PCDH15: variants seen among roughly 807,000 people sequenced by gnomAD.
PCDH15 encodes protocadherin related 15, also known as protocadherin-15.
A neutral mutation model predicts 178.5 loss-of-function variants in PCDH15; 129 were observed. That is an observed-to-expected ratio of 0.72 (90% CI 0.63 to 0.84). PCDH15 has a LOEUF of 0.84. PCDH15 is among the 40% of genes least tolerant of loss of function. PCDH15 has a pLI of 0.00. For synonymous variants in PCDH15, 800 were observed against 732.0 expected (o/e 1.09, Z -1.50); for missense variants, 2,230 against 2,099.9 (o/e 1.06, Z -1.21).
At chr10:55,611,830 A>T (rs183977770) in intron 2 of PCDH15, among the ~76,000 whole-genome samples, 5 of 152,252 alleles carry the variant, frequency 3.3e-5, no homozygotes, top group African/African-American at 1.2e-4. Flanking sequence ...ATGGAATACT[A>T]TTCAGCTTTT....
intron 15 of PCDH15, among the ~76,000 whole-genome samples, chr10:54,110,542 C>G (rs2095000451): frequency 6.6e-6 from 1 of 152,150 alleles, no homozygotes; most frequent in African/African-American, 2.4e-5. Context: ...ATTAGGACAA[C>G]TGTAGCAGCA....
intron 5 of PCDH15, among the ~76,000 whole-genome samples, chr10:54,353,791 A>T (rs1395225315): frequency 1.3e-5 from 2 of 152,130 alleles, no homozygotes; most frequent in Non-Finnish European, 2.9e-5. Context: ...TTTTTATCAC[A>T]AAGACTAGAT....
At position 53,931,294 on chromosome 10, in the gene PCDH15, C is replaced by T. The variant is rs2085039727; in HGVS notation, c.3373+7521G>A. 2.0e-5 allele frequency among the ~76,000 whole-genome samples: 3 copies of T among 152,160 alleles called. No individual in the cohort carries two copies. The South Asian group carries it at 6.2e-4, about 32-fold the overall frequency. Reference sequence around the variant, plus strand: ...GGTGGTGAGGTGGGAGTGGGCAGAACTGGAGCTTAGTTAGCAGTCAGCCAT... The same window carrying T: ...GGTGGTGAGGTGGGAGTGGGCAGAATTGGAGCTTAGTTAGCAGTCAGCCAT... On this transcript the variant is annotated intron_variant, in intron 25 of 37. Transcript: ENST00000644397.
chr10:54,067,870 G>A (rs1046946641), intron 17 of PCDH15, among the ~76,000 whole-genome samples: 1 of 152,214 alleles, frequency 6.6e-6, no homozygotes, highest in African/African-American at 2.4e-5. Flanking sequence ...GATTTGTAGT[G>A]AGAGGCTAAA....
chr10:54,228,144 G>C (rs1162809998), intron 9 of PCDH15, among the ~76,000 whole-genome samples: 1 of 152,006 alleles, frequency 6.6e-6, no homozygotes. Context: ...CCAATTTACT[G>C]TATTAGTTCA....
At chr10:54,650,756 T>C (rs370371603) in intron 2 of PCDH15, among the ~76,000 whole-genome samples, 5 of 152,034 alleles carry the variant, frequency 3.3e-5, no homozygotes, top group African/African-American at 1.2e-4. Context: ...AAAAGGGGTT[T>C]CCCCTTACAA....
chr10:55,127,036 A>C (rs1361150202), intron 2 of PCDH15, among the ~76,000 whole-genome samples: 2 of 152,024 alleles, frequency 1.3e-5, no homozygotes, highest in African/African-American at 2.4e-5. Flanking sequence ...AGTAGAACAT[A>C]CTTCAAATAT....
rs368139375 is a variant in PCDH15 at position 55,314,983 on chromosome 10, C to T, written c.-156+4616G>A. ...AAATACCTGGTGATTCATAATGATA[C>T]GTGTTTGTAATATTTATACATCTGT... On this transcript the variant is annotated intron_variant, in intron 1 of 5. Transcript: ENST00000458638. Among the ~76,000 whole-genome samples the T allele has an allele frequency of 3.6e-4, 55 of 152,102 alleles. No homozygotes were observed. In the East Asian group the frequency reaches 8.1e-3, roughly 22 times the overall value.
intron 15 of PCDH15, among the ~76,000 whole-genome samples, chr10:54,117,625 A>G (rs1295167776): frequency 2.0e-5 from 3 of 152,104 alleles, no homozygotes; most frequent in African/African-American, 7.2e-5. Flanking sequence ...CAAGGCAGAG[A>G]GGAGTTTCAC....
chr10:54,107,568 A>T lies in PCDH15; in HGVS notation c.1918-17505T>A, dbSNP rs140606298. 1.9e-3 allele frequency among the ~76,000 whole-genome samples: 294 copies of T among 152,258 alleles called. 3 individuals are homozygous for T. Among genetic ancestry groups the T allele is most frequent in the African/African-American group, 6.9e-3 (285 of 41,544 alleles). ...AAATGTGGCCATGTTTGGAAGATGA[A>T]ATGTTTTGGGGAGCCAAATGGACTG... On this transcript the variant is annotated intron_variant, in intron 15 of 37. Transcript: ENST00000644397.
At chr10:54,386,983 A>T (rs2135233804) in intron 3 of PCDH15, among the ~76,000 whole-genome samples, 1 of 152,262 alleles carries the variant, frequency 6.6e-6, no homozygotes, top group East Asian at 1.9e-4. Flanking sequence ...AAAATTGCTA[A>T]GAGAGTAGAT....
intron 2 of PCDH15, among the ~76,000 whole-genome samples, chr10:54,607,531 T>C (rs2092795455): frequency 6.6e-6 from 1 of 152,068 alleles, no homozygotes; most frequent in African/African-American, 2.4e-5. Flanking sequence ...TCCTGGCATA[T>C]GTTTATGTTT....
intron 5 of PCDH15, among the ~76,000 whole-genome samples, chr10:54,359,064 G>C (rs960903882): frequency 6.6e-6 from 1 of 151,094 alleles, no homozygotes; most frequent in African/African-American, 2.4e-5. Flanking sequence ...AATGCTAAAT[G>C]ACGAGTTAAT....
chr10:54,019,162 T>G (rs796581624), intron 20 of PCDH15, among the ~76,000 whole-genome samples: 18 of 152,166 alleles, frequency 1.2e-4, no homozygotes, highest in African/African-American at 4.3e-4. Context: ...AAAAAACACT[T>G]TAAATAAGAC....
At chr10:54,208,675 TCTTTTGTA>T (rs1256081928) in intron 10 of PCDH15, among the ~76,000 whole-genome samples, 1 of 151,946 alleles carries the variant, frequency 6.6e-6, no homozygotes, top group African/African-American at 2.4e-5. Context: ...ATCCACCCAG[TCTTTTGTA>T]CTTTGTTAGA....
chr10:53,930,171 G>A (rs1017779352), intron 25 of PCDH15, among the ~76,000 whole-genome samples: 11 of 151,984 alleles, frequency 7.2e-5, no homozygotes, highest in Non-Finnish European at 1.3e-4. Flanking sequence ...AAATAGCAAC[G>A]CATTCGGCTG....
At chr10:53,820,841 TAC>T (rs1370775438) in intron 32 of PCDH15, among the ~76,000 whole-genome samples, 1 of 152,050 alleles carries the variant, frequency 6.6e-6, no homozygotes, top group East Asian at 1.9e-4. Context: ...TCCCAGAGTA[TAC>T]AGTTTTATTT....
intron 2 of PCDH15, among the ~76,000 whole-genome samples, chr10:55,122,189 T>G (rs1837788879): frequency 6.6e-6 from 1 of 152,204 alleles, no homozygotes; most frequent in Admixed American, 6.5e-5. Context: ...GTCATTAATT[T>G]TAAGTGAGAC....
intron 5 of PCDH15, among the ~76,000 whole-genome samples, chr10:54,352,014 T>A (rs1944261575): frequency 6.6e-6 from 1 of 152,200 alleles, no homozygotes; most frequent in Non-Finnish European, 1.5e-5. Context: ...AATCATAATA[T>A]TGTGTTGTAC....
Sources: allele counts gnomAD v4.1 joint callset (sites outside exome capture counted in the v4.1 genomes callset), GRCh38; gene constraint gnomAD v4.1.1; transcripts MANE v1.5; gene names NCBI Gene and HGNC (gene_info 2026-07-23, HGNC 2026-07-21).